Variants in NCAM2 observed in about 807,000 individuals in gnomAD.
NCAM2 encodes the protein neural cell adhesion molecule 2.
NCAM2 carries 30 observed loss-of-function variants against 98.1 expected under a neutral mutation model. The observed-to-expected ratio is 0.31, with a 90% confidence interval of 0.23 to 0.41. The LOEUF (loss-of-function observed/expected upper bound fraction) is 0.41. NCAM2 is among the 10% of genes least tolerant of loss of function. The pLI, the probability that NCAM2 is intolerant of heterozygous loss-of-function variation, is 1.00. For missense variants in NCAM2, 867 were observed against 1,005.8 expected, an observed-to-expected ratio of 0.86 and a Z score of 1.87; for synonymous variants, 368 against 342.4, an observed-to-expected ratio of 1.07 and a Z score of -0.83.
intron 8 of NCAM2, among the ~76,000 whole-genome samples, chr21:21,369,991 C>T (rs1476191681): frequency 6.6e-6 from 1 of 151,646 alleles, no homozygotes; most frequent in Non-Finnish European, 1.5e-5. Flanking sequence ...TCTTTAACGA[C>T]CCCAAGTTTG....
At chr21:21,331,396 C>T (rs1472620238) in intron 6 of NCAM2, among the ~76,000 whole-genome samples, 1 of 147,940 alleles carries the variant, frequency 6.8e-6, no homozygotes, top group African/African-American at 2.5e-5. Flanking sequence ...CCTTGGCCTC[C>T]CAAAGTGCTG....
intron 15 of NCAM2, among the ~76,000 whole-genome samples, chr21:21,494,858 G>T (rs938613925): frequency 1.3e-5 from 2 of 151,258 alleles, no homozygotes. Flanking sequence ...TTAGTACTTT[G>T]TGATATTTAT....
intron 1 of NCAM2, among the ~76,000 whole-genome samples, chr21:21,205,446 C>T (rs991736683): frequency 6.6e-6 from 1 of 152,008 alleles, no homozygotes; most frequent in African/African-American, 2.4e-5. Flanking sequence ...TGTTTAAGAC[C>T]TGTTTCGTTG....
intron 11 of NCAM2, among the ~76,000 whole-genome samples, chr21:21,421,821 A>C (rs572953901): frequency 9.8e-5 from 15 of 152,332 alleles, no homozygotes; most frequent in African/African-American, 3.4e-4. Context: ...AAAGGGAATT[A>C]ATTAGAGCCA....
At chr21:21,282,733 T>A (rs1050269224) in intron 2 of NCAM2, among the ~76,000 whole-genome samples, 3 of 151,558 alleles carry the variant, frequency 2.0e-5, no homozygotes, top group African/African-American at 4.8e-5. Flanking sequence ...TAACTACATT[T>A]AAGAAAATAA....
At chr21:21,049,366 T>A (rs2065061949) in intron 1 of NCAM2, among the ~76,000 whole-genome samples, 1 of 152,154 alleles carries the variant, frequency 6.6e-6, no homozygotes, top group Non-Finnish European at 1.5e-5. Flanking sequence ...AATTCTAACA[T>A]AATTTTTCAT....
intron 1 of NCAM2, among the ~76,000 whole-genome samples, chr21:21,262,708 C>G (rs146350210): frequency 3.1e-4 from 45 of 143,082 alleles, no homozygotes; most frequent in African/African-American, 9.9e-4. Flanking sequence ...AAGTGGAAGT[C>G]AGATGTATTA....
chr21:21,273,165 A>G (rs1395117212), intron 1 of NCAM2, among the ~76,000 whole-genome samples: 2 of 152,194 alleles, frequency 1.3e-5, no homozygotes, highest in African/African-American at 4.8e-5. Context: ...CAATGACACA[A>G]TCCTTTGCCT....
chr21:21,519,063 G>C (rs989555462), intron 16 of NCAM2, among the ~76,000 whole-genome samples: 3 of 152,068 alleles, frequency 2.0e-5, no homozygotes, highest in African/African-American at 4.8e-5. Context: ...CTAACATGGG[G>C]ATGAGCTTGC....
chr21:21,349,129 A>G (rs1297487942), intron 8 of NCAM2, among the ~76,000 whole-genome samples: 3 of 152,212 alleles, frequency 2.0e-5, no homozygotes, highest in African/African-American at 7.2e-5. Context: ...AAAGGTTACA[A>G]TCAACAAAGT....
In NCAM2 at chr21:21,495,622, C is replaced by T. The variant is rs139359268; in HGVS notation, c.2078-13229C>T. Among the ~76,000 whole-genome samples the T allele has an allele frequency of 1.0e-3, 154 of 152,180 alleles. 1 individual carries two copies. The highest frequency in any genetic ancestry group is 3.5e-3 in the African/African-American group (145 of 41,548). ...ACTGAATTCACTTGCAAGCTCCATC[C>T]TCTTTAACAGCATCCTTCACCACTA... is the stretch of plus-strand genomic sequence containing the variant. On this transcript the variant is annotated intron_variant, in intron 15 of 17. Coordinates refer to ENST00000400546, the MANE Select transcript of NCAM2 (RefSeq NM_004540.5).
chr21:21,074,365 T>C (rs2065635258), intron 1 of NCAM2, among the ~76,000 whole-genome samples: 1 of 152,116 alleles, frequency 6.6e-6, no homozygotes, highest in Non-Finnish European at 1.5e-5. Flanking sequence ...TTTATTACAT[T>C]TATTGATTAA....
intron 1 of NCAM2, among the ~76,000 whole-genome samples, chr21:21,110,987 G>T (rs375236868): frequency 6.6e-6 from 1 of 152,016 alleles, no homozygotes; most frequent in African/African-American, 2.4e-5. Context: ...TACACAAAAA[G>T]AAATCATCAT....
At chr21:21,250,135 G>T (rs1013038846) in intron 1 of NCAM2, among the ~76,000 whole-genome samples, 6 of 152,118 alleles carry the variant, frequency 3.9e-5, no homozygotes, top group African/African-American at 1.4e-4. Flanking sequence ...TCAACATAAG[G>T]CATTTCTAGT....
chr21:21,081,687 G>T (rs1601312672), intron 1 of NCAM2, among the ~76,000 whole-genome samples: 2 of 151,734 alleles, frequency 1.3e-5, no homozygotes, highest in South Asian at 4.2e-4. Flanking sequence ...TGTAATCTCA[G>T]TTACTAGGGA....
intron 1 of NCAM2, among the ~76,000 whole-genome samples, chr21:21,160,671 T>G (rs537342107): frequency 6.6e-6 from 1 of 152,156 alleles, no homozygotes; most frequent in South Asian, 2.1e-4. Flanking sequence ...ACTTAAATTC[T>G]ATGCTATAGT....
chr21:21,265,425 G>A (rs1236356802), intron 1 of NCAM2, among the ~76,000 whole-genome samples: 2 of 65,422 alleles, frequency 3.1e-5, no homozygotes, highest in Admixed American at 2.1e-4. Context: ...TATAATATAT[G>A]TGTGTATATA....
intron 1 of NCAM2, among the ~76,000 whole-genome samples, chr21:21,036,071 C>T (rs922955691): frequency 6.6e-6 from 1 of 151,914 alleles, no homozygotes; most frequent in Non-Finnish European, 1.5e-5. Flanking sequence ...CATTAAGGGC[C>T]CTCGATAGCG....
intron 6 of NCAM2, among the ~76,000 whole-genome samples, chr21:21,331,021 C>A (rs966863391): frequency 6.6e-6 from 1 of 151,986 alleles, no homozygotes; most frequent in Non-Finnish European, 1.5e-5. Context: ...CCTCTCTTAC[C>A]ATTCTCATGT....
Sources: gnomAD v4.1 joint callset for allele counts (sites outside exome capture counted in the v4.1 genomes callset) on GRCh38, gnomAD v4.1.1 for gene constraint, MANE v1.5 for transcripts, NCBI Gene and HGNC (gene_info 2026-07-23, HGNC 2026-07-21) for gene names.